Variants in UNC13C observed in about 807,000 individuals in gnomAD.
The protein encoded by UNC13C is unc-13 homolog C.
In UNC13C, 174 loss-of-function variants were observed where a neutral mutation model predicts 245.4. That is an observed-to-expected ratio of 0.71 (90% CI 0.63 to 0.80). UNC13C has a LOEUF of 0.80. UNC13C is among the 30% of genes least tolerant of loss of function. UNC13C has a pLI of 0.00. For synonymous variants in UNC13C, 992 were observed against 895.1 expected (o/e 1.11, Z -1.93); for missense variants, 2,829 against 2,602.9 (o/e 1.09, Z -1.89).
chr15:53,975,800 T>A (rs1459483315), upstream of UNC13C, among the ~76,000 whole-genome samples: 1 of 152,200 alleles, frequency 6.6e-6, no homozygotes, highest in African/African-American at 2.4e-5. Context: ...GGTTTTATTC[T>A]TTCTGAAATG....
intron 28 of UNC13C, among the ~76,000 whole-genome samples, chr15:54,553,483 G>A (rs1190041859): frequency 2.2e-5 from 3 of 133,412 alleles, no homozygotes; most frequent in Non-Finnish European, 4.7e-5. Context: ...CATTTATAAT[G>A]TGTATTACAT....
the UNC13C span, among the ~76,000 whole-genome samples, chr15:53,900,431 T>C: frequency 3.3e-5 from 5 of 152,208 alleles, no homozygotes; most frequent in African/African-American, 1.2e-4. Context: ...TTATCTTTTC[T>C]TTTAGCTTTA....
chr15:54,080,769 C>G (rs1898898662), intron 2 of UNC13C, among the ~76,000 whole-genome samples: 1 of 151,970 alleles, frequency 6.6e-6, no homozygotes, highest in Non-Finnish European at 1.5e-5. Flanking sequence ...AAATAACCAA[C>G]TTTTTGTTTT....
intron 17 of UNC13C, among the ~76,000 whole-genome samples, chr15:54,347,767 C>T (rs912215756): frequency 6.6e-6 from 1 of 152,094 alleles, no homozygotes; most frequent in Non-Finnish European, 1.5e-5. Context: ...CTTTTGGATA[C>T]ATACACACAC....
chr15:54,038,600 T>A (rs1896687691), intron 2 of UNC13C, among the ~76,000 whole-genome samples: 1 of 152,230 alleles, frequency 6.6e-6, no homozygotes, highest in African/African-American at 2.4e-5. Flanking sequence ...GTTTTCTTTA[T>A]GAAAACTTTG....
chr15:54,265,369 G>A lies in UNC13C; in HGVS notation c.3691G>A (p.Gly1231Ser), dbSNP rs943126999. The A allele has an allele frequency of 6.4e-7, 1 of 1,569,936 alleles. No individual in the cohort carries two copies. Among genetic ancestry groups the A allele is most frequent in the Non-Finnish European group, 8.7e-7 (1 of 1,155,512 alleles). The change falls in exon 10 of 33, where the codon GGT (glycine) becomes AGT (serine). Residue 1231 changes from glycine to serine, a missense_variant. Physicochemically the swap from Gly to Ser is moderately conservative, Grantham distance 56. Coordinates refer to ENST00000260323, the MANE Select transcript of UNC13C (RefSeq NM_001080534.3). The stretch of plus-strand genomic sequence containing the variant: ...GTTTATTTCAGTGGTTTCTGCACAG[G>A]GTCTACAGGCAAAAGATAAAACAGG... ...KITITVVSAQ[G>S]LQAKDKTGSS...
At chr15:54,092,981 A>G (rs909466318) in intron 2 of UNC13C, among the ~76,000 whole-genome samples, 5 of 152,172 alleles carry the variant, frequency 3.3e-5, no homozygotes, top group Non-Finnish European at 5.9e-5. Flanking sequence ...AATAATGATT[A>G]GAATCTGGAA....
At chr15:54,167,465 G>A (rs1270328788) in intron 4 of UNC13C, among the ~76,000 whole-genome samples, 1 of 139,060 alleles carries the variant, frequency 7.2e-6, no homozygotes, top group African/African-American at 2.7e-5. Flanking sequence ...TCGCGCCACT[G>A]CACTCCAGCC....
At chr15:53,875,994 T>C in the UNC13C span, among the ~76,000 whole-genome samples, 1 of 152,222 alleles carries the variant, frequency 6.6e-6, no homozygotes, top group South Asian at 2.1e-4. Flanking sequence ...CTCTCAGATA[T>C]CTGAGCACAG....
the UNC13C span, among the ~76,000 whole-genome samples, chr15:53,848,583 A>G: frequency 6.6e-6 from 1 of 152,118 alleles, no homozygotes; most frequent in African/African-American, 2.4e-5. Flanking sequence ...ATTTGAAAAG[A>G]AACTATATTT....
chr15:53,944,657 C>A, the UNC13C span, among the ~76,000 whole-genome samples: 56 of 152,174 alleles, frequency 3.7e-4, 1 homozygote, highest in African/African-American at 1.3e-3. Flanking sequence ...TTTTCTTTAC[C>A]CAGTCTGCCA....
chr15:54,411,546 T>A (rs1469634963), intron 18 of UNC13C, among the ~76,000 whole-genome samples: 5 of 152,172 alleles, frequency 3.3e-5, no homozygotes, highest in Admixed American at 3.3e-4. Flanking sequence ...AAGATTTTTT[T>A]CTTTTTTGCA....
chr15:53,936,170 T>A, the UNC13C span, among the ~76,000 whole-genome samples: 1 of 152,118 alleles, frequency 6.6e-6, no homozygotes, highest in South Asian at 2.1e-4. Flanking sequence ...TCAGACACCA[T>A]CTCTGCAGTT....
At chr15:54,145,079 A>G (rs1428587009) in intron 4 of UNC13C, among the ~76,000 whole-genome samples, 1 of 151,988 alleles carries the variant, frequency 6.6e-6, no homozygotes, top group African/African-American at 2.4e-5. Context: ...TACATGAGCC[A>G]CCGTGCCTGG....
intron 4 of UNC13C, among the ~76,000 whole-genome samples, chr15:54,211,804 G>C (rs2034886776): frequency 6.6e-6 from 1 of 152,120 alleles, no homozygotes; most frequent in Non-Finnish European, 1.5e-5. Flanking sequence ...AAATGAGCTT[G>C]TATGACAACT....
At position 54,004,780 on chromosome 15, in the gene UNC13C, T is replaced by A. The variant is rs144480978; in HGVS notation, c.-256-7868T>A. ...CAATGATATTGAACACCTTTTCATATGCCCATTTTCCGTTTGTATATATTC... is the reference window on the plus strand; with the variant it reads ...CAATGATATTGAACACCTTTTCATAAGCCCATTTTCCGTTTGTATATATTC... On this transcript the variant is annotated intron_variant, in intron 1 of 32. Coordinates refer to ENST00000260323, the MANE Select transcript of UNC13C (RefSeq NM_001080534.3). Among the ~76,000 whole-genome samples the A allele has an allele frequency of 6.2e-4, 95 of 152,342 alleles. 1 individual carries two copies. Among genetic ancestry groups the A allele is most frequent in the Middle Eastern group, 3.4e-3 (1 of 294 alleles).
chr15:54,006,916 C>T (rs913119444), intron 1 of UNC13C, among the ~76,000 whole-genome samples: 1 of 152,128 alleles, frequency 6.6e-6, no homozygotes, highest in Non-Finnish European at 1.5e-5. Flanking sequence ...TGCACAGGGG[C>T]CCTCTTGCTC....
intron 19 of UNC13C, among the ~76,000 whole-genome samples, chr15:54,457,232 T>C (rs1297292525): frequency 2.0e-5 from 3 of 152,192 alleles, no homozygotes; most frequent in Non-Finnish European, 4.4e-5. Context: ...TGAAACCCTC[T>C]TAATTATGGC....
intron 30 of UNC13C, among the ~76,000 whole-genome samples, chr15:54,586,766 T>C (rs996470146): frequency 6.6e-6 from 1 of 152,144 alleles, no homozygotes; most frequent in African/African-American, 2.4e-5. Context: ...ATCAAGGAAA[T>C]AAACAGTGAT....
Sources: gnomAD v4.1 joint callset for allele counts (sites outside exome capture counted in the v4.1 genomes callset) on GRCh38, gnomAD v4.1.1 for gene constraint, MANE v1.5 for transcripts, NCBI Gene and HGNC (gene_info 2026-07-23, HGNC 2026-07-21) for gene names.